Variants in SMIM3 observed in about 807,000 individuals in gnomAD.
SMIM3 encodes NGF-induced differentiation clone 67 protein.
SMIM3 carries 4 observed loss-of-function variants against 2.1 expected under a neutral mutation model. The ratio of observed to expected loss-of-function variants is 1.89; its 90% CI spans 0.93 to 4.31. SMIM3 has a LOEUF of 4.31. SMIM3 is among the 30% of genes most tolerant of loss of function. The pLI, the probability that SMIM3 is intolerant of heterozygous loss-of-function variation, is 0.01. For synonymous variants in SMIM3, 29 were observed against 30.8 expected (o/e 0.94, Z 0.19); for missense variants, 79 against 77.7 (o/e 1.02, Z -0.06).
chr5:150,785,745 G>A (rs1753285186), intron 1 of SMIM3, among the ~76,000 whole-genome samples: 1 of 151,698 alleles, frequency 6.6e-6, no homozygotes, highest in Non-Finnish European at 1.5e-5. Flanking sequence ...ACAACGCCTG[G>A]CTAATTTTTG....
chr5:150,796,510 T>G lies in SMIM3; in HGVS notation c.*887T>G, dbSNP rs1225045930. ...TGTTCCCAGGACTTTTGGGACCTAC[T>G]AAAACAATGATGGTTATTTTAGATG... On this transcript the variant is annotated 3_prime_UTR_variant, in exon 2 of 2. Coordinates refer to ENST00000526627, the MANE Select transcript of SMIM3 (RefSeq NM_032947.5). 1 of 152,358 alleles carries G rather than the reference T, an allele frequency of 6.6e-6. No individual in the cohort carries two copies. The highest frequency in any genetic ancestry group is 1.5e-5 in the Non-Finnish European group (1 of 68,032). The allele number at this position is 152,358 out of a possible 1,614,324, so 9.4% of individuals were successfully genotyped here.
chr5:150,791,096 A>G (rs535318106), intron 1 of SMIM3, among the ~76,000 whole-genome samples: 1 of 152,278 alleles, frequency 6.6e-6, no homozygotes, highest in African/African-American at 2.4e-5. Flanking sequence ...AAAACCTCTT[A>G]TTCCTAGTCC....
intron 1 of SMIM3, among the ~76,000 whole-genome samples, chr5:150,782,097 C>T (rs1320353141): frequency 6.6e-6 from 1 of 152,130 alleles, no homozygotes; most frequent in Non-Finnish European, 1.5e-5. Context: ...AGACAGGGGC[C>T]AGTTGGGGTG....
chr5:150,788,822 G>A (rs1385244022), intron 1 of SMIM3, among the ~76,000 whole-genome samples: 2 of 152,048 alleles, frequency 1.3e-5, no homozygotes, highest in Non-Finnish European at 2.9e-5. Context: ...GCAATGATGT[G>A]TCCAGTTCAC....
intron 1 of SMIM3, among the ~76,000 whole-genome samples, chr5:150,782,680 A>G (rs10080203): frequency 0.014 from 2,208 of 152,320 alleles, 46 homozygotes; most frequent in African/African-American, 0.049. Context: ...ATCAGAGGAC[A>G]TCATGTTATT....
chr5:150,780,533 T>A (rs532356887), intron 1 of SMIM3, among the ~76,000 whole-genome samples: 1 of 152,186 alleles, frequency 6.6e-6, no homozygotes, highest in Non-Finnish European at 1.5e-5. Flanking sequence ...CTCAGAACTG[T>A]GGCTCCATGA....
chr5:150,788,039 G>C (rs1753310832), intron 1 of SMIM3, among the ~76,000 whole-genome samples: 1 of 152,178 alleles, frequency 6.6e-6, no homozygotes, highest in Admixed American at 6.5e-5. Flanking sequence ...AGAGGAAAAA[G>C]TTGCTTGCTA....
At chr5:150,790,763 C>A (rs1753341868) in intron 1 of SMIM3, among the ~76,000 whole-genome samples, 1 of 152,160 alleles carries the variant, frequency 6.6e-6, no homozygotes, top group Admixed American at 6.5e-5. Context: ...AAGGGCTCCT[C>A]CTCATCCCCT....
rs536657214 is a variant in SMIM3, at chr5:150,790,405, A to G, written c.-11-5025A>G. Among the ~76,000 whole-genome samples, 38 of 152,226 alleles carry G rather than the reference A, an allele frequency of 2.5e-4. No individual in the cohort carries two copies. In the South Asian group the frequency reaches 7.9e-3, roughly 32 times the overall value. On this transcript the variant is annotated intron_variant, in intron 1 of 1. Transcript: ENST00000526627. ...TGTAGTCAGGAGACCACAAAGAATG[A>G]TTTATCCCGCCCCCGGTCCTCTAAC...
intron 1 of SMIM3, among the ~76,000 whole-genome samples, chr5:150,782,127 C>T (rs1174337166): frequency 6.6e-6 from 1 of 152,132 alleles, no homozygotes; most frequent in Non-Finnish European, 1.5e-5. Flanking sequence ...CAGAGTGCTC[C>T]TTAGGGACTT....
At chr5:150,788,651 A>G (rs932067492) in intron 1 of SMIM3, among the ~76,000 whole-genome samples, 2 of 149,884 alleles carry the variant, frequency 1.3e-5, no homozygotes, top group African/African-American at 5.0e-5. Context: ...AAAAAAAAAG[A>G]AAAAAAAGAA....
At chr5:150,785,067 T>C (rs1478191040) in intron 1 of SMIM3, among the ~76,000 whole-genome samples, 2 of 151,702 alleles carry the variant, frequency 1.3e-5, no homozygotes, top group Non-Finnish European at 2.9e-5. Flanking sequence ...TCTGTATTTT[T>C]TTTTTCTGAA....
In SMIM3 at chr5:150,795,432, T is replaced by C; in HGVS notation, c.-9T>C. Reference sequence around the variant, plus strand: ...TCTTCCTTTCTTGTCTGTTGCAGAGTGAAGCAACATGGATGCAGTCAGCCA... The same window carrying C: ...TCTTCCTTTCTTGTCTGTTGCAGAGCGAAGCAACATGGATGCAGTCAGCCA... On this transcript the variant is annotated splice_region_variant and 5_prime_UTR_variant, in exon 2 of 2. Transcript: ENST00000526627. The C allele has an allele frequency of 6.2e-7, 1 of 1,613,780 alleles. No individual in the cohort carries two copies. Among genetic ancestry groups the C allele is most frequent in the Non-Finnish European group, 8.5e-7 (1 of 1,179,760 alleles).
intron 1 of SMIM3, among the ~76,000 whole-genome samples, chr5:150,790,325 T>C (rs1411438736): frequency 1.3e-5 from 2 of 152,116 alleles, no homozygotes; most frequent in Non-Finnish European, 2.9e-5. Context: ...TGTTAAAGGG[T>C]TTACAGGAAA....
intron 1 of SMIM3, among the ~76,000 whole-genome samples, chr5:150,782,611 G>C (rs1241731538): frequency 6.6e-6 from 1 of 152,090 alleles, no homozygotes; most frequent in Non-Finnish European, 1.5e-5. Context: ...GGTGGGCTGG[G>C]GAAGAAAGAG....
At position 150,796,290 on chromosome 5, in the gene SMIM3, G is replaced by A. The variant is rs1367309525; in HGVS notation, c.*667G>A. 6.5e-6 allele frequency: 1 copy of A among 152,902 alleles called. No individual in the cohort carries two copies. Among genetic ancestry groups the A allele is most frequent in the Non-Finnish European group, 1.5e-5 (1 of 68,126 alleles). 9.5% of individuals were successfully genotyped at this position (152,902 alleles called of 1,614,324 possible). On this transcript the variant is annotated 3_prime_UTR_variant, in exon 2 of 2. Coordinates refer to ENST00000526627, the MANE Select transcript of SMIM3 (RefSeq NM_032947.5). Reference sequence around the variant, plus strand: ...CTTTCTGCACTGGAGTCTCACATCTGTTAGCTTTGACACTCAAGCAATGTT... The same window carrying A: ...CTTTCTGCACTGGAGTCTCACATCTATTAGCTTTGACACTCAAGCAATGTT...
chr5:150,788,902 G>A (rs1167706305), intron 1 of SMIM3, among the ~76,000 whole-genome samples: 4 of 152,098 alleles, frequency 2.6e-5, no homozygotes, highest in African/African-American at 9.7e-5. Context: ...TTCTGCTGGT[G>A]AGCTCAGGGT....
rs79024499 is a variant in SMIM3 at position 150,781,696 on chromosome 5, C to T, written c.-12+2724C>T. ...ACACATGAGGCTGACTTTGGGAGAG[C>T]GACCTGTTGAGGCTCACACATTGAG... On this transcript the variant is annotated intron_variant, in intron 1 of 1. Coordinates refer to ENST00000526627, the MANE Select transcript of SMIM3 (RefSeq NM_032947.5). Among the ~76,000 whole-genome samples, 1,161 of 152,258 alleles carry T rather than the reference C, an allele frequency of 7.6e-3. 33 individuals carry two copies. Among genetic ancestry groups the T allele is most frequent in the South Asian group, 0.057 (276 of 4,820 alleles).
At chr5:150,782,984 A>T (rs1753251585) in intron 1 of SMIM3, among the ~76,000 whole-genome samples, 1 of 152,256 alleles carries the variant, frequency 6.6e-6, no homozygotes, top group Non-Finnish European at 1.5e-5. Flanking sequence ...GCCAATAAAA[A>T]CAAACAAGCA....
Sources: gnomAD v4.1 joint callset for allele counts (sites outside exome capture counted in the v4.1 genomes callset) on GRCh38, gnomAD v4.1.1 for gene constraint, MANE v1.5 for transcripts, NCBI Gene and HGNC (gene_info 2026-07-23, HGNC 2026-07-21) for gene names.